The following SAMD5 variants were observed in gnomAD, a reference collection of about 807,000 sequenced individuals.
The protein encoded by SAMD5 is sterile alpha motif domain-containing protein 5.
SAMD5 carries 13 observed loss-of-function variants against 11.3 expected under a neutral mutation model. The ratio of observed to expected loss-of-function variants is 1.15; its 90% CI spans 0.75 to 1.83. The LOEUF is 1.83. SAMD5 is among the 40% of genes most tolerant of loss of function. The pLI is 0.00. For missense variants in SAMD5, 255 were observed against 239.1 expected (o/e 1.07, Z -0.44); for synonymous variants, 129 against 111.3 (o/e 1.16, Z -1.00).
chr6:147,659,955 A>G (rs1166371703), intron 1 of SAMD5, among the ~76,000 whole-genome samples: 1 of 152,030 alleles, frequency 6.6e-6, no homozygotes, highest in African/African-American at 2.4e-5. Flanking sequence ...CTAATAGGCC[A>G]TTTTCTGTCT....
intron 1 of SAMD5, among the ~76,000 whole-genome samples, chr6:147,631,844 A>T (rs1445363873): frequency 1.3e-5 from 2 of 152,188 alleles, no homozygotes; most frequent in South Asian, 4.1e-4. Context: ...AGCAGATGGA[A>T]CACTGAGAAG....
chr6:147,924,836 G>C, the SAMD5 span, among the ~76,000 whole-genome samples: 1 of 151,128 alleles, frequency 6.6e-6, no homozygotes, highest in Non-Finnish European at 1.5e-5. Context: ...TCAGAAACTA[G>C]AGCTGGGGCA....
At chr6:147,713,465 T>G (rs939566899) in intron 1 of SAMD5, among the ~76,000 whole-genome samples, 10 of 152,172 alleles carry the variant, frequency 6.6e-5, no homozygotes, top group African/African-American at 2.2e-4. Context: ...TATCTTAGGA[T>G]GTTGCATTCT....
the SAMD5 span, among the ~76,000 whole-genome samples, chr6:147,774,346 AG>A: frequency 6.6e-6 from 1 of 152,222 alleles, no homozygotes; most frequent in African/African-American, 2.4e-5. Flanking sequence ...TATGCAATAA[AG>A]GCTTAATTAA....
At chr6:147,554,623 C>A (rs1788825448) in intron 1 of SAMD5, among the ~76,000 whole-genome samples, 1 of 152,146 alleles carries the variant, frequency 6.6e-6, no homozygotes, top group African/African-American at 2.4e-5. Flanking sequence ...TTTGCAACCC[C>A]CTCACCAGAC....
intron 1 of SAMD5, among the ~76,000 whole-genome samples, chr6:147,695,990 T>G (rs1037033019): frequency 3.3e-5 from 5 of 152,202 alleles, no homozygotes; most frequent in Non-Finnish European, 5.9e-5. Flanking sequence ...CTAGGTGGTG[T>G]TTTCCTCATG....
the SAMD5 span, among the ~76,000 whole-genome samples, chr6:147,781,061 T>A: frequency 6.6e-6 from 1 of 152,136 alleles, no homozygotes; most frequent in African/African-American, 2.4e-5. Flanking sequence ...GTTTTCTTAG[T>A]TTTTTTGTTT....
chr6:147,827,883 G>A, the SAMD5 span, among the ~76,000 whole-genome samples: 5 of 151,698 alleles, frequency 3.3e-5, no homozygotes, highest in South Asian at 2.1e-4. Context: ...TCCGCCTCCC[G>A]GGTTCACGCC....
At chr6:147,881,391 G>A in the SAMD5 span, among the ~76,000 whole-genome samples, 1 of 152,226 alleles carries the variant, frequency 6.6e-6, no homozygotes, top group African/African-American at 2.4e-5. Flanking sequence ...GGTTCCCCGC[G>A]GCAGAGGTGG....
At chr6:147,596,264 T>G (rs994075019) in intron 1 of SAMD5, among the ~76,000 whole-genome samples, 2 of 152,228 alleles carry the variant, frequency 1.3e-5, no homozygotes, top group African/African-American at 4.8e-5. Flanking sequence ...AAGCAATATA[T>G]CATAGTATAG....
the SAMD5 span, among the ~76,000 whole-genome samples, chr6:147,906,717 A>G: frequency 1.3e-5 from 2 of 152,268 alleles, no homozygotes; most frequent in Non-Finnish European, 2.9e-5. Context: ...ATCATAAACT[A>G]CCTTAAGAAT....
intron 1 of SAMD5, among the ~76,000 whole-genome samples, chr6:147,643,350 T>G (rs1790342363): frequency 6.6e-6 from 1 of 152,154 alleles, no homozygotes; most frequent in Admixed American, 6.6e-5. Context: ...GTGGGTAGAT[T>G]TTTTCCCCTT....
the SAMD5 span, among the ~76,000 whole-genome samples, chr6:147,922,003 A>G: frequency 6.6e-6 from 1 of 152,228 alleles, no homozygotes; most frequent in African/African-American, 2.4e-5. Context: ...GGAAAACACA[A>G]TTTAAAAACT....
chr6:147,885,588 A>G, the SAMD5 span, among the ~76,000 whole-genome samples: 17 of 152,192 alleles, frequency 1.1e-4, no homozygotes, highest in African/African-American at 4.1e-4. Flanking sequence ...TTTTAAGGAA[A>G]TGCAAAAAAT....
Position 147,711,475 on chromosome 6 carries a change from C to T in SAMD5, c.163-25842C>T, listed in dbSNP as rs1020853630. On this transcript the variant is annotated intron_variant, in intron 1 of 1. Transcript: ENST00000566741. The surrounding 1 kb of genome is among the most constrained non-coding windows in gnomAD (Gnocchi z 4.1). ...CAGCTGCTTCTCATTAGCCAAGATT[C>T]CTGCACTTTAGGCTGAAATAGAAAG... Among the ~76,000 whole-genome samples the T allele has an allele frequency of 6.6e-6, 1 of 152,184 alleles. No homozygotes were observed. The highest frequency in any genetic ancestry group is 1.5e-5 in the Non-Finnish European group (1 of 68,036).
chr6:147,917,570 C>T, the SAMD5 span, among the ~76,000 whole-genome samples: 1 of 151,980 alleles, frequency 6.6e-6, no homozygotes, highest in East Asian at 1.9e-4. Context: ...AATTAGATCC[C>T]ATTTGTCAAT....
Position 147,565,710 on chromosome 6 carries a change from G to A in SAMD5, c.*1254G>A, listed in dbSNP as rs907742245. The A allele has an allele frequency of 3.0e-5, 28 of 920,008 alleles. No homozygotes were observed. The highest frequency in any genetic ancestry group is 1.2e-4 in the East Asian group (1 of 8,494). The allele number at this position is 920,008 out of a possible 1,614,324, so 57.0% of individuals were successfully genotyped here. ...CCTGGCCTCAAATGATCCACTCGCC[G>A]TGGCCTCCAGTAGCGCTGGGATTAC... On this transcript the variant is annotated 3_prime_UTR_variant, in exon 2 of 2. Transcript: ENST00000367474.
chr6:147,675,292 C>G (rs530902258), intron 1 of SAMD5, among the ~76,000 whole-genome samples: 2 of 152,280 alleles, frequency 1.3e-5, no homozygotes, highest in South Asian at 4.1e-4. Context: ...GAGTTTCAGC[C>G]TATGTTCCTG....
At chr6:147,805,957 ACT>A in the SAMD5 span, among the ~76,000 whole-genome samples, 4 of 151,956 alleles carry the variant, frequency 2.6e-5, no homozygotes. Flanking sequence ...CATACCCCTC[ACT>A]CTAGGTTTTG....
Sources: allele counts gnomAD v4.1 joint callset (sites outside exome capture counted in the v4.1 genomes callset), GRCh38; gene constraint gnomAD v4.1.1; non-coding constraint Gnocchi (gnomAD v3.1); transcripts MANE v1.5; gene names NCBI Gene and HGNC (gene_info 2026-07-23, HGNC 2026-07-21).